ASMTL: variants seen among roughly 807,000 people sequenced by gnomAD.
ASMTL encodes probable bifunctional dTTP/UTP pyrophosphatase/methyltransferase protein.
Under a neutral mutation model 60.3 loss-of-function variants are expected in ASMTL, and 57 were observed. The ratio of observed to expected loss-of-function variants is 0.95; its 90% confidence interval spans 0.76 to 1.18. The LOEUF (loss-of-function observed/expected upper bound fraction) is 1.18. Among genes scored for constraint, ASMTL ranks in the 50% most tolerant of loss-of-function variants. The probability of loss-of-function intolerance (pLI) is 0.00; values close to 1 mark genes in which losing one functional copy is unlikely to be tolerated. For missense variants in ASMTL, 981 were observed against 852.6 expected, an observed-to-expected ratio of 1.15 and a Z score of -1.88; for synonymous variants, 419 against 373.0, an observed-to-expected ratio of 1.12 and a Z score of -1.42.
rs1295737441 is a variant in ASMTL, at chrX:1,429,825, G to A, written c.510-1704C>T. Reference sequence around the variant, plus strand: ...AAAAATTTCATGTGTTAAATGGGATGTTTTGATATATGTATACATGTGACA... The same window carrying A: ...AAAAATTTCATGTGTTAAATGGGATATTTTGATATATGTATACATGTGACA... On this transcript the variant is annotated intron_variant, in intron 6 of 12. Transcript: ENST00000381317. Among the ~76,000 whole-genome samples the A allele has an allele frequency of 2.6e-5, 4 of 151,736 alleles. No individual in the cohort carries two copies. In the South Asian group the frequency reaches 8.3e-4, roughly 32 times the overall value.
At chrX:1,436,753 C>T (rs1175489167) in intron 3 of ASMTL, among the ~76,000 whole-genome samples, 1 of 152,194 alleles carries the variant, frequency 6.6e-6, no homozygotes, top group Non-Finnish European at 1.5e-5. Context: ...GCTGTTTCTG[C>T]CTTTTAGCTG....
intron 1 of ASMTL, among the ~76,000 whole-genome samples, chrX:1,448,190 G>C (rs1419737944): frequency 2.3e-4 from 34 of 147,652 alleles, no homozygotes; most frequent in Non-Finnish European, 4.2e-4. Flanking sequence ...CCGCCATCTT[G>C]GATAAGCACC....
intron 9 of ASMTL, 172 bp from the exon 10 acceptor site, chrX:1,419,286 G>C (rs1441235202): frequency 3.9e-6 from 1 of 257,478 alleles, no homozygotes; most frequent in African/African-American, 2.3e-5. Flanking sequence ...TCTTGTCTGT[G>C]TGGGGGCTGG....
chrX:1,450,164 C>T (rs2091327268), intron 1 of ASMTL, among the ~76,000 whole-genome samples: 1 of 151,866 alleles, frequency 6.6e-6, no homozygotes. Context: ...ATCCGCCTGT[C>T]ACCAGTAACT....
At chrX:1,446,758 C>G (rs1157804147) in intron 1 of ASMTL, among the ~76,000 whole-genome samples, 2 of 152,114 alleles carry the variant, frequency 1.3e-5, no homozygotes, top group African/African-American at 4.8e-5. Context: ...CTCGGCCTCC[C>G]AAACTGCTGG....
At chrX:1,420,045 A>ATCTC (rs1226181638) in intron 9 of ASMTL, among the ~76,000 whole-genome samples, 3 of 49,322 alleles carry the variant, frequency 6.1e-5, no homozygotes, top group Admixed American at 5.4e-4. Flanking sequence ...CTCTGTCTCT[A>ATCTC]TGTCTGTCTC....
chrX:1,432,100 G>A (rs1370810716), intron 6 of ASMTL, 169 bp downstream of exon 6: 5 of 623,614 alleles, frequency 8.0e-6, no homozygotes, highest in African/African-American at 3.7e-5. Context: ...CCATGGGTCA[G>A]TGTGGTCGTG....
chrX:1,417,849 C>T, intron 11 of ASMTL, 124 bp downstream of exon 11: 1 of 1,281,814 alleles, frequency 7.8e-7, no homozygotes, highest in Admixed American at 2.7e-5. Flanking sequence ...CCCATTTGCA[C>T]ACACATACCC....
chrX:1,433,696 A>G (rs1413282547), intron 5 of ASMTL, among the ~76,000 whole-genome samples: 7 of 151,428 alleles, frequency 4.6e-5, no homozygotes, highest in Non-Finnish European at 8.8e-5. Flanking sequence ...GAAAAAAAAA[A>G]GAGACCCAGA....
At chrX:1,433,796 T>TGCACCCA (rs1413069367) in intron 5 of ASMTL, among the ~76,000 whole-genome samples, 3 of 152,150 alleles carry the variant, frequency 2.0e-5, no homozygotes, top group African/African-American at 7.2e-5. Flanking sequence ...CCATACATCC[T>TGCACCCA]GCACCCAGCA....
At position 1,403,213 on chromosome X, in the gene ASMTL, C is replaced by T. The variant is rs1215245613; in HGVS notation, c.*56G>A. ...TGTCCTATGGTACTTGGGGACCGGG[C>T]GGTCCACCTGCAGCCTGGGGGAGGA... On this transcript the variant is annotated 3_prime_UTR_variant, in exon 13 of 13. Coordinates refer to ENST00000381317, the MANE Select transcript of ASMTL (RefSeq NM_004192.4). The T allele has an allele frequency of 4.0e-5, 58 of 1,461,744 alleles. No homozygotes were observed. The highest frequency in any genetic ancestry group is 4.5e-5 in the Non-Finnish European group (47 of 1,046,622). 90.5% of individuals were successfully genotyped at this position (1,461,744 alleles called of 1,614,324 possible). A position where few individuals can be genotyped will look rare whatever the true frequency, so the allele number is the denominator to read the frequency against.
At chrX:1,419,263 C>G (rs1479881779) in intron 9 of ASMTL, 149 bp from the exon 10 acceptor site, 2 of 841,784 alleles carry the variant, frequency 2.4e-6, no homozygotes, top group African/African-American at 3.4e-5. Flanking sequence ...CATGCCACAG[C>G]TGTGTGGGCT....
chrX:1,424,180 CCACCCACCCACCCATCTGTT>C (rs2090549694), intron 8 of ASMTL, among the ~76,000 whole-genome samples: 1 of 112,598 alleles, frequency 8.9e-6, no homozygotes, highest in South Asian at 3.3e-4. Flanking sequence ...ATCCATCCAC[CCACCCACCCACCCATCTGTT>C]CACCCACCCT....
At chrX:1,430,764 C>G (rs778695327) in intron 6 of ASMTL, among the ~76,000 whole-genome samples, 1 of 144,946 alleles carries the variant, frequency 6.9e-6, no homozygotes, top group Non-Finnish European at 1.5e-5. Context: ...AGAGTGAGAC[C>G]GTGTCTCAAA....
At chrX:1,414,662 C>G (rs372682615) in intron 11 of ASMTL, among the ~76,000 whole-genome samples, 2 of 152,092 alleles carry the variant, frequency 1.3e-5, no homozygotes, top group African/African-American at 4.8e-5. Flanking sequence ...GAGCTAAGAT[C>G]ACGCCACTGC....
intron 6 of ASMTL, among the ~76,000 whole-genome samples, chrX:1,430,314 G>A (rs778891582): frequency 1.5e-4 from 23 of 152,168 alleles, no homozygotes; most frequent in African/African-American, 4.3e-4. Context: ...GCCTGGCCCT[G>A]ATTTAAATCT....
In ASMTL at chrX:1,418,088, C is replaced by G; in HGVS notation, c.1407G>C (p.Leu469=). Residue 469 remains leucine (L), a synonymous_variant, in exon 11 of 13, where the codon CTG becomes CTC. Coordinates refer to ENST00000381317, the MANE Select transcript of ASMTL (RefSeq NM_004192.4). ...GGCTGALARE[L]AREYPRMQVT... ...CCTGCATACGAGGGTACTCACGGGC[C>G]AGCTCTCGGGCCAGTGCACCCGTGC... 1 of 1,611,528 alleles carries G rather than the reference C, an allele frequency of 6.2e-7. No individual in the cohort carries two copies. Among genetic ancestry groups the G allele is most frequent in the Middle Eastern group, 1.7e-4 (1 of 6,022 alleles).
intron 12 of ASMTL, among the ~76,000 whole-genome samples, chrX:1,407,780 G>C (rs2089921188): frequency 6.6e-6 from 1 of 151,954 alleles, no homozygotes; most frequent in African/African-American, 2.4e-5. Context: ...AGGGTGGAGA[G>C]AGGGAGGAAG....
At chrX:1,411,806 CTT>C (rs756437483) in intron 12 of ASMTL, among the ~76,000 whole-genome samples, 602 of 86,112 alleles carry the variant, frequency 7.0e-3, no homozygotes, top group African/African-American at 0.026. Flanking sequence ...TTAGGATTTT[CTT>C]TTTTTTTTTT....
Sources: allele counts gnomAD v4.1 joint callset (sites outside exome capture counted in the v4.1 genomes callset), GRCh38; gene constraint gnomAD v4.1.1; transcripts MANE v1.5; gene names NCBI Gene and HGNC (gene_info 2026-07-23, HGNC 2026-07-21).